Variants in ATRX observed in about 807,000 individuals in gnomAD.
The protein encoded by ATRX is ATRX chromatin remodeler, also known as chromatin remodeler ATRX.
A neutral mutation model predicts 172.6 loss-of-function variants in ATRX; 12 were observed. The observed-to-expected ratio is 0.07, with a 90% CI of 0.04 to 0.11. ATRX has a LOEUF of 0.11. ATRX is among the 10% of genes least tolerant of loss of function. The probability of loss-of-function intolerance (pLI) is 1.00; values close to 1 mark genes in which losing one functional copy is unlikely to be tolerated. For missense variants in ATRX, 1,368 were observed against 1,767.4 expected (o/e 0.77, Z 4.05); for synonymous variants, 674 against 594.7 (o/e 1.13, Z -1.94).
chrX:77,611,978 A>AT (rs2067176419), intron 22 of ATRX, among the ~76,000 whole-genome samples: 1 of 112,036 alleles, frequency 8.9e-6, no homozygotes, highest in Admixed American at 9.5e-5. Flanking sequence ...TATTTCTTGG[A>AT]TTTTGTAATT....
chrX:77,520,340 A>T (rs1557040791), intron 34 of ATRX, among the ~76,000 whole-genome samples: 1 of 111,783 alleles, frequency 8.9e-6, no homozygotes, highest in East Asian at 2.8e-4. Context: ...AGAAAGGATA[A>T]ATGCTTGAGG....
intron 6 of ATRX, among the ~76,000 whole-genome samples, chrX:77,689,271 C>G (rs1247732673): frequency 1.8e-5 from 2 of 111,805 alleles, no homozygotes; most frequent in Non-Finnish European, 1.9e-5. Context: ...AGTATCAGTC[C>G]TTAAAGAATG....
rs182047381 is a variant in ATRX, at chrX:77,672,621, C to A, written c.3809+3605G>T. On this transcript the variant is annotated intron_variant, in intron 10 of 34. Transcript: ENST00000373344. ...AAATTTAAAATGCTATGGTCTAGTCCCAATATAATTAAATATAACAATGGG... is the reference window on the plus strand; with the variant it reads ...AAATTTAAAATGCTATGGTCTAGTCACAATATAATTAAATATAACAATGGG... Among the ~76,000 whole-genome samples, 35 of 109,723 alleles carry A rather than the reference C, an allele frequency of 3.2e-4. No individual in the cohort carries two copies. In the East Asian group the frequency reaches 7.9e-3, roughly 25 times the overall value.
intron 15 of ATRX, among the ~76,000 whole-genome samples, chrX:77,643,397 T>C (rs1557112134): frequency 9.0e-6 from 1 of 110,759 alleles, no homozygotes; most frequent in Non-Finnish European, 1.9e-5. Flanking sequence ...GAATTTTTTT[T>C]TTCAAGATAC....
intron 1 of ATRX, among the ~76,000 whole-genome samples, chrX:77,767,144 G>A (rs1557196546): frequency 9.0e-6 from 1 of 111,021 alleles, no homozygotes; most frequent in African/African-American, 3.3e-5. Context: ...CAGGCAGGGA[G>A]GTTGCAGTGA....
rs144360766 is a variant in ATRX at position 77,631,983 on chromosome X, A to G, written c.5134+1224T>C. Among the ~76,000 whole-genome samples, 709 of 111,566 alleles carry G rather than the reference A, an allele frequency of 6.4e-3. 10 individuals are homozygous for G. The highest frequency in any genetic ancestry group is 0.022 in the African/African-American group (674 of 30,669). ...TAAACAGAAAATTATTCCAAAATGAAAAGTTTTTTTTTGTTTTTTTGTTTT... is the reference window on the plus strand; with the variant it reads ...TAAACAGAAAATTATTCCAAAATGAGAAGTTTTTTTTTGTTTTTTTGTTTT... On this transcript the variant is annotated intron_variant, in intron 19 of 34. Transcript: ENST00000373344.
intron 9 of ATRX, among the ~76,000 whole-genome samples, chrX:77,677,689 C>A (rs1396790215): frequency 9.9e-6 from 1 of 101,143 alleles, no homozygotes; most frequent in African/African-American, 3.6e-5. Flanking sequence ...TTACAAATTT[C>A]TGTGGATTTA....
intron 12 of ATRX, among the ~76,000 whole-genome samples, chrX:77,659,524 C>CACACACACACAG (rs781808344): frequency 3.1e-5 from 3 of 98,302 alleles, no homozygotes; most frequent in Non-Finnish European, 4.2e-5. Context: ...CACACACACA[C>CACACACACACAG]AGGCAGACAC....
At chrX:77,576,287 T>C (rs917066314) in intron 27 of ATRX, among the ~76,000 whole-genome samples, 3 of 111,148 alleles carry the variant, frequency 2.7e-5, no homozygotes, top group African/African-American at 9.8e-5. Context: ...TTTTGTAACA[T>C]AGGCTTTTCA....
At chrX:77,579,518 AT>A (rs1171793637) in intron 27 of ATRX, among the ~76,000 whole-genome samples, 2 of 109,512 alleles carry the variant, frequency 1.8e-5, no homozygotes, top group African/African-American at 6.7e-5. Context: ...AATGCAGACA[AT>A]TCTTTTGGAT....
chrX:77,545,221 AATC>A (rs1480300602), intron 30 of ATRX, among the ~76,000 whole-genome samples: 1 of 112,363 alleles, frequency 8.9e-6, no homozygotes, highest in East Asian at 2.8e-4. Context: ...AAGCACATAT[AATC>A]ATCATCCCCA....
Position 77,508,574 on chromosome X carries a change from T to C in ATRX, c.7256A>G (p.Asn2419Ser), listed in dbSNP as rs781853125. The change falls in exon 35 of 35, where the codon AAT (asparagine) becomes AGT (serine). Residue 2419 changes from asparagine (N) to serine (S), a missense_variant. Coordinates refer to ENST00000373344, the MANE Select transcript of ATRX (RefSeq NM_000489.6). ...LMNRRLQQQYNQQQQQQMTYQ... is the reference protein window; with the variant it reads ...LMNRRLQQQYSQQQQQQMTYQ... ...AGTCATTTGTTGCTGTTGCTGCTGA[T>C]TGTACTGCTGCTGGAGCCTTCTGTT... 30 of 1,210,204 alleles carry C rather than the reference T, an allele frequency of 2.5e-5. No homozygotes were observed. The highest frequency in any genetic ancestry group is 2.4e-4 in the African/African-American group (14 of 57,160).
At chrX:77,710,910 A>G (rs1310348276) in intron 2 of ATRX, among the ~76,000 whole-genome samples, 2 of 98,154 alleles carry the variant, frequency 2.0e-5, no homozygotes, top group African/African-American at 3.5e-5. Context: ...CAACCCAGGT[A>G]AAAAAAAAAT....
At chrX:77,636,674 C>T (rs782062221) in intron 15 of ATRX, among the ~76,000 whole-genome samples, 2 of 109,671 alleles carry the variant, frequency 1.8e-5, no homozygotes, top group African/African-American at 3.3e-5. Context: ...AGTAATTTAG[C>T]TCAACAGATC....
chrX:77,721,472 C>T (rs1017433841), intron 1 of ATRX, among the ~76,000 whole-genome samples: 41 of 112,080 alleles, frequency 3.7e-4, no homozygotes, highest in African/African-American at 1.2e-3. Flanking sequence ...GCAACTTCAG[C>T]GAAGTCTCAG....
At chrX:77,557,428 G>C (rs1355749361) in intron 30 of ATRX, 23 bp downstream of exon 30, 2 of 1,201,600 alleles carry the variant, frequency 1.7e-6, no homozygotes, top group Non-Finnish European at 1.1e-6. Context: ...GGTTTGTTAA[G>C]CCAATAATCT....
chrX:77,598,146 G>A (rs2066534717), intron 25 of ATRX, among the ~76,000 whole-genome samples: 1 of 111,612 alleles, frequency 9.0e-6, no homozygotes, highest in African/African-American at 3.3e-5. Flanking sequence ...CAGGGATACA[G>A]CTGGAGGCCA....
chrX:77,684,179 C>A lies in ATRX; in HGVS notation c.1077G>T (p.Leu359=), dbSNP rs782504858. The A allele has an allele frequency of 4.4e-5, 53 of 1,208,537 alleles. No individual in the cohort carries two copies. In the East Asian group the frequency reaches 5.6e-4, roughly 13 times the overall value. Residue 359 remains leucine, a synonymous_variant, in exon 9 of 35, where the codon CTG becomes CTT. Transcript: ENST00000373344. The part of the protein sequence containing the change: ...PKEMIKKAKK[L]IETTANMNSS... ...AGTTCATGTTGGCTGTGGTCTCAATCAGTTTTTTTGCCTTCTTAATCATCT... is the reference window on the plus strand; with the variant it reads ...AGTTCATGTTGGCTGTGGTCTCAATAAGTTTTTTTGCCTTCTTAATCATCT...
intron 30 of ATRX, 70 bp from the exon 31 acceptor site, chrX:77,523,471 T>C (rs1557042501): frequency 9.6e-7 from 1 of 1,045,810 alleles, no homozygotes; most frequent in Non-Finnish European, 1.3e-6. Context: ...TCCATAGTTC[T>C]ATGGTCAACT....
Sources: gnomAD v4.1 joint callset for allele counts (sites outside exome capture counted in the v4.1 genomes callset) on GRCh38, gnomAD v4.1.1 for gene constraint, MANE v1.5 for transcripts, NCBI Gene and HGNC (gene_info 2026-07-23, HGNC 2026-07-21) for gene names.